SP140: variants seen among roughly 807,000 people sequenced by gnomAD.
SP140 encodes nuclear body protein SP140.
In SP140, 81 loss-of-function variants were observed where a neutral mutation model predicts 125.0. The observed-to-expected ratio is 0.65, with a 90% CI of 0.54 to 0.78. SP140 has a LOEUF of 0.78. SP140 is among the 30% of genes least tolerant of loss of function. The probability of loss-of-function intolerance (pLI) is 0.00; values close to 1 mark genes in which losing one functional copy is unlikely to be tolerated. For synonymous variants in SP140, 312 were observed against 354.0 expected, an observed-to-expected ratio of 0.88 and a Z score of 1.33; for missense variants, 858 against 1,037.0, an observed-to-expected ratio of 0.83 and a Z score of 2.37.
chr2:230,188,073 C>A, the SP140 span, among the ~76,000 whole-genome samples: 1 of 152,034 alleles, frequency 6.6e-6, no homozygotes, highest in African/African-American at 2.4e-5. Flanking sequence ...CTGTAGATTG[C>A]CTTGGGCAGT....
chr2:230,311,765 C>G (rs2059349995), intron 26 of SP140, among the ~76,000 whole-genome samples, 170 bp downstream of exon 26: 1 of 152,202 alleles, frequency 6.6e-6, no homozygotes, highest in Non-Finnish European at 1.5e-5. Flanking sequence ...AGCAAAGAAA[C>G]AGTGAATCAA....
chr2:230,316,339 C>G (rs2059483529), downstream of SP140, among the ~76,000 whole-genome samples: 1 of 152,136 alleles, frequency 6.6e-6, no homozygotes, highest in East Asian at 1.9e-4. Context: ...CAGCTCATAC[C>G]TCCTACCACG....
Position 230,245,893 on chromosome 2 carries a change from A to T in SP140, c.695A>T (p.Glu232Val). Residue 232 changes from glutamate (E) to valine (V), a missense_variant, in exon 7 of 27, where the codon GAA becomes GTA. By Grantham distance (121) the Glu-to-Val change is moderately radical. Coordinates refer to ENST00000392045, the MANE Select transcript of SP140 (RefSeq NM_007237.5). ...VSCKLAIQID[E>V]GESEEMPKLL... Reference sequence around the variant, plus strand: ...TGTAAACTTGCTATACAAATAGATGAAGGAGAATCAGAAGAAATGCCCAAG... The same window carrying T: ...TGTAAACTTGCTATACAAATAGATGTAGGAGAATCAGAAGAAATGCCCAAG... 2 of 1,607,364 alleles carry T rather than the reference A, an allele frequency of 1.2e-6. No homozygotes were observed. The highest frequency in any genetic ancestry group is 2.2e-5 in the South Asian group (2 of 90,948).
chr2:230,285,801 C>T lies in SP140; in HGVS notation c.1614C>T (p.Asn538=), dbSNP rs531504778. 63 of 1,613,658 alleles carry T rather than the reference C, an allele frequency of 3.9e-5. No individual in the cohort carries two copies. In the South Asian group the frequency reaches 4.2e-4, roughly 11 times the overall value. ...GQVVSSEKKA[N]VNLKDLSKIR... is the part of the protein sequence containing the mutation. ...TGGTCTCCAGTGAAAAGAAGGCGAA[C>T]GTGAATCTGAAAGACCTTTCCAAGA... Residue 538 remains asparagine (N), a synonymous_variant, in exon 17 of 27, where the codon AAC becomes AAT. Coordinates refer to ENST00000392045, the MANE Select transcript of SP140 (RefSeq NM_007237.5).
chr2:230,305,684 G>A (rs1195973521), intron 22 of SP140, among the ~76,000 whole-genome samples: 10 of 152,220 alleles, frequency 6.6e-5, no homozygotes, highest in Admixed American at 2.6e-4. Context: ...GGGCCCGAAC[G>A]CGGAGCAGTG....
At chr2:230,298,787 T>G (rs2058008210) in intron 22 of SP140, among the ~76,000 whole-genome samples, 1 of 152,250 alleles carries the variant, frequency 6.6e-6, no homozygotes, top group South Asian at 2.1e-4. Context: ...GAAATTATAA[T>G]TTAATCATTC....
Position 230,287,946 on chromosome 2 carries a change from A to G in SP140, c.1700A>G (p.Gln567Arg). 1 of 1,612,298 alleles carries G rather than the reference A, an allele frequency of 6.2e-7. No homozygotes were observed. The highest frequency in any genetic ancestry group is 8.5e-7 in the Non-Finnish European group (1 of 1,179,554). The change falls in exon 18 of 27, where the codon CAG (glutamine) becomes CGG (arginine). Residue 567 changes from glutamine to arginine, a missense_variant. Physicochemically the swap from Gln to Arg is conservative, Grantham distance 43. Transcript: ENST00000392045. ...TRFTQSDRAA[Q>R]KRVRSRASRK... Reference sequence around the variant, plus strand: ...TTCACTCAGAGTGACAGAGCTGCACAGAAAAGAGTCCGATCAAGAGGTAAA... The same window carrying G: ...TTCACTCAGAGTGACAGAGCTGCACGGAAAAGAGTCCGATCAAGAGGTAAA...
upstream of SP140, among the ~76,000 whole-genome samples, chr2:230,222,571 T>A (rs370438762): frequency 2.2e-4 from 33 of 152,062 alleles, no homozygotes; most frequent in African/African-American, 2.7e-4. Context: ...TACATTTTTT[T>A]AAATTAATTG....
At chr2:230,249,475 C>T (rs1253599255) in intron 9 of SP140, among the ~76,000 whole-genome samples, 1 of 152,046 alleles carries the variant, frequency 6.6e-6, no homozygotes, top group Non-Finnish European at 1.5e-5. Context: ...AGATCTTTTC[C>T]AACCTGGAAG....
rs1335488126 is a variant in SP140, at chr2:230,310,271, G to A, written c.2174+232G>A. 7.3e-6 allele frequency: 4 copies of A among 550,110 alleles called. No individual in the cohort carries two copies. The East Asian group carries it at 9.4e-5, about 13-fold the overall frequency. The allele number at this position is 550,110 out of a possible 1,614,324, so 34.1% of individuals were successfully genotyped here. ...CTGATATGCTGAGGGCAGTGTTGGGGACCTTTGCCTACATACCGGCATTGT... is the reference window on the plus strand; with the variant it reads ...CTGATATGCTGAGGGCAGTGTTGGGAACCTTTGCCTACATACCGGCATTGT... On this transcript the variant is annotated intron_variant, in intron 23 of 26. Coordinates refer to ENST00000392045, the MANE Select transcript of SP140 (RefSeq NM_007237.5).
At chr2:230,268,383 G>A (rs1219701786) in intron 12 of SP140, among the ~76,000 whole-genome samples, 1 of 152,018 alleles carries the variant, frequency 6.6e-6, no homozygotes, top group Non-Finnish European at 1.5e-5. Context: ...AATTAGCCAG[G>A]CGTGGTGGCA....
upstream of SP140, chr2:230,202,511 G>C (rs1383686861): frequency 6.7e-7 from 1 of 1,482,502 alleles, no homozygotes; most frequent in Non-Finnish European, 9.4e-7. Context: ...ACTTAACTCT[G>C]TACCTGCTTC....
intron 3 of SP140, chr2:230,238,585 A>G: frequency 1.3e-6 from 1 of 744,882 alleles, no homozygotes. Context: ...ACGTTAACCA[A>G]GTAATCCTGC....
At chr2:230,234,660 A>G (rs2047718006) in intron 1 of SP140, among the ~76,000 whole-genome samples, 6 of 152,104 alleles carry the variant, frequency 3.9e-5, no homozygotes. Context: ...TTTTCCCTTT[A>G]GGGCTTTTCC....
At chr2:230,188,690 T>C in the SP140 span, among the ~76,000 whole-genome samples, 1 of 152,178 alleles carries the variant, frequency 6.6e-6, no homozygotes, top group Non-Finnish European at 1.5e-5. Flanking sequence ...AGGATCTTTA[T>C]CTAAAGGGAT....
intron 12 of SP140, among the ~76,000 whole-genome samples, chr2:230,256,504 C>T (rs554559263): frequency 1.6e-4 from 21 of 130,800 alleles, no homozygotes; most frequent in African/African-American, 6.1e-4. Flanking sequence ...AGGGGGATAT[C>T]ACACACCAGG....
chr2:230,286,233 T>G (rs2056366595), intron 17 of SP140, among the ~76,000 whole-genome samples: 1 of 152,232 alleles, frequency 6.6e-6, no homozygotes, highest in South Asian at 2.1e-4. Context: ...TTGTTCCCTT[T>G]TAAAAACAGT....
At chr2:230,186,289 CTTCT>C in the SP140 span, 6,110 of 756,812 alleles carry the variant, frequency 8.1e-3, 276 homozygotes, top group African/African-American at 0.096. Flanking sequence ...ATAATACTTC[CTTCT>C]ATTTCTCTTT....
intron 22 of SP140, among the ~76,000 whole-genome samples, chr2:230,303,862 A>G (rs1259373976): frequency 1.3e-5 from 2 of 152,202 alleles, no homozygotes; most frequent in East Asian, 3.8e-4. Context: ...AAGGATGCCC[A>G]CTTTCACCAC....
Sources: gnomAD v4.1 joint callset for allele counts (sites outside exome capture counted in the v4.1 genomes callset) on GRCh38, gnomAD v4.1.1 for gene constraint, MANE v1.5 for transcripts, NCBI Gene and HGNC (gene_info 2026-07-23, HGNC 2026-07-21) for gene names.